Variants in GALNTL6 observed in about 807,000 individuals in gnomAD.
GALNTL6 encodes polypeptide N-acetylgalactosaminyltransferase like 6.
A neutral mutation model predicts 73.7 loss-of-function variants in GALNTL6; 46 were observed. That is an observed-to-expected ratio of 0.62 (90% confidence interval 0.49 to 0.80). GALNTL6 has a LOEUF of 0.80. Ranked by LOEUF, GALNTL6 falls within the 30% of genes least tolerant of loss-of-function variation. GALNTL6 has a pLI of 0.00. For missense variants in GALNTL6, 604 were observed against 755.0 expected (o/e 0.80, Z 2.34); for synonymous variants, 259 against 263.7 (o/e 0.98, Z 0.17).
At chr4:172,287,962 C>T (rs1220599557) in intron 3 of GALNTL6, among the ~76,000 whole-genome samples, 1 of 152,092 alleles carries the variant, frequency 6.6e-6, no homozygotes, top group Non-Finnish European at 1.5e-5. Context: ...CTGGTATAAC[C>T]TTGAAAGTGA....
At chr4:172,760,743 G>A (rs1201780201) in intron 5 of GALNTL6, among the ~76,000 whole-genome samples, 3 of 152,108 alleles carry the variant, frequency 2.0e-5, no homozygotes, top group Admixed American at 6.6e-5. Flanking sequence ...TGTCTTCTAG[G>A]AGGACCCTGA....
chr4:172,854,350 A>G (rs1166187464), intron 7 of GALNTL6, among the ~76,000 whole-genome samples: 1 of 152,224 alleles, frequency 6.6e-6, no homozygotes, highest in Non-Finnish European at 1.5e-5. Context: ...GTATTTTTGT[A>G]TATGTCATAG....
intron 10 of GALNTL6, among the ~76,000 whole-genome samples, chr4:172,991,580 T>G (rs1217386929): frequency 6.6e-6 from 1 of 151,922 alleles, no homozygotes; most frequent in African/African-American, 2.4e-5. Flanking sequence ...TTGTGTTGTT[T>G]TTTTTTTAGT....
intron 2 of GALNTL6, among the ~76,000 whole-genome samples, chr4:171,827,752 C>T (rs1394021198): frequency 6.6e-6 from 1 of 152,060 alleles, no homozygotes. Context: ...GAAAGGTGAT[C>T]ACTGTCTTCG....
chr4:172,980,637 C>T (rs1002837759), intron 10 of GALNTL6, among the ~76,000 whole-genome samples: 1 of 152,080 alleles, frequency 6.6e-6, no homozygotes, highest in African/African-American at 2.4e-5. Context: ...CTGGGTTTGG[C>T]GGGCGAGGGG....
At chr4:172,650,589 G>A (rs1180230940) in intron 5 of GALNTL6, among the ~76,000 whole-genome samples, 1 of 152,032 alleles carries the variant, frequency 6.6e-6, no homozygotes, top group Non-Finnish European at 1.5e-5. Flanking sequence ...AACAAATAAT[G>A]ATAAGCCTTA....
intron 7 of GALNTL6, among the ~76,000 whole-genome samples, chr4:172,855,876 A>C (rs773303362): frequency 6.6e-6 from 1 of 152,122 alleles, no homozygotes; most frequent in Non-Finnish European, 1.5e-5. Context: ...CTGGATGTCG[A>C]TATGCAGCAA....
At chr4:172,713,168 C>T (rs1405352483) in intron 5 of GALNTL6, among the ~76,000 whole-genome samples, 3 of 151,374 alleles carry the variant, frequency 2.0e-5, no homozygotes, top group East Asian at 1.9e-4. Context: ...CGTGCTGTAT[C>T]GGTCACTCTT....
At chr4:172,894,280 AG>A (rs1417861646) in intron 8 of GALNTL6, among the ~76,000 whole-genome samples, 1 of 152,038 alleles carries the variant, frequency 6.6e-6, no homozygotes, top group Non-Finnish European at 1.5e-5. Flanking sequence ...GTGTATCACT[AG>A]GTTCTTTATT....
At chr4:172,993,826 G>T (rs1287578167) in intron 10 of GALNTL6, among the ~76,000 whole-genome samples, 1 of 152,180 alleles carries the variant, frequency 6.6e-6, no homozygotes, top group East Asian at 1.9e-4. Context: ...GGAGGCTGAG[G>T]CAGAAGAATC....
At chr4:173,023,346 G>GT (rs1288697383) in intron 12 of GALNTL6, among the ~76,000 whole-genome samples, 1 of 152,144 alleles carries the variant, frequency 6.6e-6, no homozygotes, top group African/African-American at 2.4e-5. Context: ...GGTTGTGGCT[G>GT]TGTCTAGCAA....
rs531648581 is a variant in GALNTL6, at chr4:172,494,280, A to C, written c.553+145591A>C. On this transcript the variant is annotated intron_variant, in intron 5 of 12. Transcript: ENST00000506823. ...GATATTGTCAGCCTTGCTATATAGA[A>C]GTAACGACTGGGGATTAAATAAGTT... 1.7e-4 allele frequency among the ~76,000 whole-genome samples: 26 copies of C among 152,338 alleles called. No homozygotes were observed. In the South Asian group the frequency reaches 5.2e-3, roughly 30 times the overall value.
At chr4:172,583,614 G>A (rs370522163) in intron 5 of GALNTL6, among the ~76,000 whole-genome samples, 58 of 152,124 alleles carry the variant, frequency 3.8e-4, no homozygotes, top group African/African-American at 1.2e-3. Flanking sequence ...TAAAAATATC[G>A]GATGCGGCTG....
chr4:172,606,641 CTA>C (rs369076529), intron 5 of GALNTL6, among the ~76,000 whole-genome samples: 2,685 of 37,240 alleles, frequency 0.072, 94 homozygotes, highest in South Asian at 0.22. Flanking sequence ...TATATATATA[CTA>C]TATATATAGT....
chr4:172,894,954 GT>G lies in GALNTL6; in HGVS notation c.1041+12060del, dbSNP rs34952191. On this transcript the variant is annotated intron_variant, in intron 8 of 12. Transcript: ENST00000506823. The stretch of plus-strand genomic sequence containing the variant: ...ATATAATGATCTTGTTTTTTTTACA[GT>G]TTTTTTTTTTTTACTTAAAGTCTCT... Among the ~76,000 whole-genome samples the G allele has an allele frequency of 9.5e-3, 1,359 of 142,556 alleles. 10 individuals are homozygous for G. Among genetic ancestry groups the G allele is most frequent in the Non-Finnish European group, 0.016 (1,060 of 65,478 alleles). 93.5% of individuals were successfully genotyped at this position (142,556 alleles called of 152,430 possible).
At chr4:172,007,177 A>G (rs1740868562) in intron 2 of GALNTL6, among the ~76,000 whole-genome samples, 1 of 152,128 alleles carries the variant, frequency 6.6e-6, no homozygotes, top group Non-Finnish European at 1.5e-5. Flanking sequence ...AGCTAAGAAC[A>G]TGTAATTAAT....
chr4:172,471,512 CT>C (rs1380766543), intron 5 of GALNTL6, among the ~76,000 whole-genome samples: 1 of 152,056 alleles, frequency 6.6e-6, no homozygotes, highest in Non-Finnish European at 1.5e-5. Flanking sequence ...TCTTTCAATG[CT>C]TTTTTTCTCT....
chr4:172,314,928 A>G (rs1180774720), intron 4 of GALNTL6, among the ~76,000 whole-genome samples: 1 of 152,034 alleles, frequency 6.6e-6, no homozygotes, highest in Admixed American at 6.5e-5. Context: ...GATTTTTTAA[A>G]GAAATTTTCT....
intron 3 of GALNTL6, among the ~76,000 whole-genome samples, chr4:172,281,433 G>T (rs1038900243): frequency 6.6e-6 from 1 of 152,220 alleles, no homozygotes; most frequent in South Asian, 2.1e-4. Flanking sequence ...TGATGTTCAC[G>T]CCTGTAATCC....
Sources: allele counts gnomAD v4.1 joint callset (sites outside exome capture counted in the v4.1 genomes callset), GRCh38; gene constraint gnomAD v4.1.1; transcripts MANE v1.5; gene names NCBI Gene and HGNC (gene_info 2026-07-23, HGNC 2026-07-21).